LARGE1: variants seen among roughly 807,000 people sequenced by gnomAD.
The protein encoded by LARGE1 is LARGE xylosyl- and glucuronyltransferase 1.
Under a neutral mutation model 87.6 loss-of-function variants are expected in LARGE1, and 43 were observed. That is an observed-to-expected ratio of 0.49 (90% CI 0.38 to 0.63). LARGE1 has a LOEUF of 0.63. Ranked by LOEUF, LARGE1 falls within the 30% of genes least tolerant of loss-of-function variation. LARGE1 has a pLI of 0.00. For missense variants in LARGE1, 802 were observed against 1,000.2 expected (o/e 0.80, Z 2.67); for synonymous variants, 434 against 394.6 (o/e 1.10, Z -1.18).
rs1296785842 is a variant in LARGE1 at position 33,193,648 on chromosome 22, T to C, written c.1731-26816A>G. ...GCCTGGGCAACATAGTGAAACCCCA[T>C]CTCTACTAAAAATATAAAAATCAGC... On this transcript the variant is annotated intron_variant, in intron 11 of 11. Coordinates refer to the LARGE1 transcript ENST00000608642. Among the ~76,000 whole-genome samples, 4 of 151,984 alleles carry C rather than the reference T, an allele frequency of 2.6e-5. No homozygotes were observed. In the East Asian group the frequency reaches 7.7e-4, roughly 29 times the overall value.
chr22:33,076,069 G>C, the LARGE1 span, among the ~76,000 whole-genome samples: 1 of 152,100 alleles, frequency 6.6e-6, no homozygotes, highest in Non-Finnish European at 1.5e-5. Flanking sequence ...CTAAGGCAAG[G>C]GCAGTAGTAA....
intron 2 of LARGE1, among the ~76,000 whole-genome samples, chr22:33,739,191 T>C (rs747677978): frequency 2.4e-4 from 36 of 152,080 alleles, no homozygotes; most frequent in South Asian, 4.2e-4. Flanking sequence ...TGGGCACGTG[T>C]AGAAACTTGA....
At chr22:33,199,990 A>G (rs932123223) in intron 11 of LARGE1, among the ~76,000 whole-genome samples, 5 of 151,992 alleles carry the variant, frequency 3.3e-5, no homozygotes, top group African/African-American at 1.2e-4. Flanking sequence ...CTGGGATTAC[A>G]GGCACCTGCC....
chr22:33,665,417 T>C (rs2081240968), intron 2 of LARGE1, among the ~76,000 whole-genome samples: 1 of 152,098 alleles, frequency 6.6e-6, no homozygotes, highest in Admixed American at 6.5e-5. Context: ...TGATACTAAA[T>C]CAAGAACGCA....
intron 4 of LARGE1, among the ~76,000 whole-genome samples, chr22:33,624,654 A>G (rs926190464): frequency 3.3e-5 from 5 of 152,310 alleles, no homozygotes; most frequent in Non-Finnish European, 7.3e-5. Flanking sequence ...GACAGAAAGC[A>G]CTATGGAGAT....
rs73882281 is a variant in LARGE1, at chr22:33,607,774, C to T, written c.492-3216G>A. 6.4e-3 allele frequency among the ~76,000 whole-genome samples: 971 copies of T among 152,340 alleles called. 9 individuals carry two copies. The highest frequency in any genetic ancestry group is 0.022 in the African/African-American group (932 of 41,584). ...AATTTCTCAAGGCCAACCTGCCATA[C>T]ATGTAACAGGTGCCTAAGGGTAATA... On this transcript the variant is annotated intron_variant, in intron 4 of 14. Transcript: ENST00000397394.
At chr22:33,414,101 T>C (rs945417524) in intron 7 of LARGE1, among the ~76,000 whole-genome samples, 1 of 152,190 alleles carries the variant, frequency 6.6e-6, no homozygotes, top group East Asian at 1.9e-4. Flanking sequence ...TTTTTAATTT[T>C]TGGAGGAACC....
intron 6 of LARGE1, among the ~76,000 whole-genome samples, chr22:33,433,627 A>G (rs1477488671): frequency 1.3e-5 from 2 of 151,644 alleles, no homozygotes; most frequent in African/African-American, 2.4e-5. Context: ...AAAAAAAAAA[A>G]AAAGAAAGGG....
At chr22:33,544,892 T>A (rs1382231960) in intron 6 of LARGE1, among the ~76,000 whole-genome samples, 2 of 152,026 alleles carry the variant, frequency 1.3e-5, no homozygotes, top group Non-Finnish European at 2.9e-5. Flanking sequence ...AGGGATGAGA[T>A]CAACACCCCT....
chr22:33,911,746 A>G (rs549586330), intron 1 of LARGE1, among the ~76,000 whole-genome samples: 5 of 152,260 alleles, frequency 3.3e-5, no homozygotes, highest in African/African-American at 1.2e-4. Flanking sequence ...TCGGTATTGT[A>G]CTCTCCTTGC....
At chr22:33,486,887 A>G (rs1336659804) in intron 6 of LARGE1, among the ~76,000 whole-genome samples, 2 of 152,224 alleles carry the variant, frequency 1.3e-5, no homozygotes, top group Non-Finnish European at 2.9e-5. Context: ...AAACTTCTGC[A>G]ACACATTTAG....
At chr22:33,590,625 T>C (rs1181634544) in intron 5 of LARGE1, among the ~76,000 whole-genome samples, 1 of 152,194 alleles carries the variant, frequency 6.6e-6, no homozygotes, top group Non-Finnish European at 1.5e-5. Flanking sequence ...GTCACATCAA[T>C]GGAACCATTT....
chr22:33,721,469 C>T (rs1048065031), intron 2 of LARGE1, among the ~76,000 whole-genome samples: 1 of 152,132 alleles, frequency 6.6e-6, no homozygotes, highest in Non-Finnish European at 1.5e-5. Flanking sequence ...CGAAATTCAC[C>T]CACTTACCTT....
chr22:33,770,371 T>C (rs1472631472), intron 1 of LARGE1, among the ~76,000 whole-genome samples: 1 of 152,258 alleles, frequency 6.6e-6, no homozygotes, highest in Non-Finnish European at 1.5e-5. Flanking sequence ...CAGGAGAAAC[T>C]GTTCCCTGAA....
intron 11 of LARGE1, among the ~76,000 whole-genome samples, chr22:33,258,150 C>T (rs1927419246): frequency 6.6e-6 from 1 of 152,184 alleles, no homozygotes; most frequent in Non-Finnish European, 1.5e-5. Context: ...CCTGCCTCAG[C>T]CTCCCAAGTA....
chr22:33,906,434 A>G (rs1015264063), intron 1 of LARGE1, among the ~76,000 whole-genome samples: 1 of 152,210 alleles, frequency 6.6e-6, no homozygotes, highest in African/African-American at 2.4e-5. Context: ...TGAAAACAAA[A>G]TTCATTTCCA....
intron 1 of LARGE1, among the ~76,000 whole-genome samples, chr22:33,843,100 C>T (rs1424060016): frequency 6.6e-6 from 1 of 152,164 alleles, no homozygotes; most frequent in East Asian, 1.9e-4. Flanking sequence ...CAACCCAACC[C>T]AGGCTTTATC....
At chr22:33,187,021 T>C (rs948169064) in intron 11 of LARGE1, among the ~76,000 whole-genome samples, 3 of 152,222 alleles carry the variant, frequency 2.0e-5, no homozygotes, top group Non-Finnish European at 4.4e-5. Context: ...CTATGCTCAA[T>C]TGATTTTTGA....
In LARGE1 at chr22:33,650,591, G is replaced by A. The variant is rs770461313; in HGVS notation, c.184C>T (p.Arg62Cys). The A allele has an allele frequency of 9.3e-6, 15 of 1,605,192 alleles. No individual in the cohort carries two copies. The highest frequency in any genetic ancestry group is 1.7e-5 in the Admixed American group (1 of 60,008). The part of the protein sequence containing the change: ...PRYTASSQRE[R>C]ESLEVRMREV... ...CGCATGCGCACCTCCAGGCTCTCGC[G>A]CTCCCGCTGGCTGGAGGCCGTGTAC... Residue 62 changes from arginine (R) to cysteine (C), a missense_variant, in exon 3 of 15, where the codon CGC becomes TGC. Around this residue, in one of 2 missense-constraint regions of LARGE1, gnomAD observed 177 missense variants for 158.3 expected, o/e 1.12. Coordinates refer to ENST00000397394, the MANE Select transcript of LARGE1 (RefSeq NM_133642.5).
Sources: gnomAD v4.1 joint callset for allele counts (sites outside exome capture counted in the v4.1 genomes callset) on GRCh38, gnomAD v4.1.1 for gene constraint, gnomAD v4.1.1 regional missense constraint, MANE v1.5 for transcripts, NCBI Gene and HGNC (gene_info 2026-07-23, HGNC 2026-07-21) for gene names.